NAGS: variants seen among roughly 807,000 people sequenced by gnomAD.
The protein encoded by NAGS is N-acetylglutamate synthase, mitochondrial.
In NAGS, 34 loss-of-function variants were observed where a neutral mutation model predicts 46.9. The observed-to-expected ratio is 0.72, with a 90% confidence interval of 0.55 to 0.97. The LOEUF is 0.97. Ranked by LOEUF, NAGS falls within the 50% of genes least tolerant of loss-of-function variation. The pLI is 0.00. For synonymous variants in NAGS, 334 were observed against 346.3 expected, an observed-to-expected ratio of 0.96 and a Z score of 0.39; for missense variants, 665 against 747.0, an observed-to-expected ratio of 0.89 and a Z score of 1.28.
In NAGS at chr17:44,006,796, T is replaced by G; in HGVS notation, c.1096+87T>G. The G allele has an allele frequency of 7.2e-7, 1 of 1,391,270 alleles. No homozygotes were observed. The highest frequency in any genetic ancestry group is 9.7e-7 in the Non-Finnish European group (1 of 1,032,164). 86.2% of individuals were successfully genotyped at this position (1,391,270 alleles called of 1,614,324 possible). ...GTCTGCGGTCAGGAGGAGCGGCTTC[T>G]CCTCCTGTCCAGGAGCCGTAGGGGG... is the stretch of plus-strand genomic sequence containing the variant. On this transcript the variant is annotated intron_variant, in intron 4 of 6. Coordinates refer to ENST00000293404, the MANE Select transcript of NAGS (RefSeq NM_153006.3). The surrounding 1 kb of genome is among the most constrained non-coding windows in gnomAD (Gnocchi z 4.8).
rs2049100363 is a variant in NAGS, at chr17:44,006,881, A to G, written c.1096+172A>G. 3.3e-6 allele frequency: 2 copies of G among 605,018 alleles called. No homozygotes were observed. Among genetic ancestry groups the G allele is most frequent in the Non-Finnish European group, 2.8e-6 (1 of 362,608 alleles). The allele number at this position is 605,018 out of a possible 1,614,324, so 37.5% of individuals were successfully genotyped here. On this transcript the variant is annotated intron_variant, in intron 4 of 6. Transcript: ENST00000293404. This position sits in a 1 kb window ranked among gnomAD's most constrained non-coding sequence, Gnocchi z 4.8. ...TGCCGAAACCCGGGGGAGGTGAGAGAGGAGGAGACCCAGTGTACTGGAAGG... is the reference window on the plus strand; with the variant it reads ...TGCCGAAACCCGGGGGAGGTGAGAGGGGAGGAGACCCAGTGTACTGGAAGG...
At position 44,008,780 on chromosome 17, in the gene NAGS, G is replaced by A. The variant is rs1387827049; in HGVS notation, c.*179G>A. The A allele has an allele frequency of 8.9e-6, 7 of 783,746 alleles. No homozygotes were observed. The Admixed American group carries it at 1.5e-4, about 17-fold the overall frequency. The allele number at this position is 783,746 out of a possible 1,614,324, so 48.5% of individuals were successfully genotyped here. On this transcript the variant is annotated 3_prime_UTR_variant, in exon 7 of 7. Coordinates refer to ENST00000293404, the MANE Select transcript of NAGS (RefSeq NM_153006.3). ...GAGGCGCTGAAGTGGGACAAGCACAGGAAAGAAGGGGACCAGTCTAGGACC... is the reference window on the plus strand; with the variant it reads ...GAGGCGCTGAAGTGGGACAAGCACAAGAAAGAAGGGGACCAGTCTAGGACC...
chr17:44,006,642 G>A lies in NAGS; in HGVS notation c.1029G>A (p.Leu343=), dbSNP rs1244301334. 6.2e-7 allele frequency: 1 copy of A among 1,609,148 alleles called. No homozygotes were observed. The highest frequency in any genetic ancestry group is 8.5e-7 in the Non-Finnish European group (1 of 1,178,360). The change falls in exon 4 of 7, where the codon CTG becomes CTA. Residue 343 remains leucine (L), a synonymous_variant. Transcript: ENST00000293404. This position sits in a 1 kb window ranked among gnomAD's most constrained non-coding sequence, Gnocchi z 4.8. ...MRLIVDVLSR[L]PHHSSAVITA... Reference sequence around the variant, plus strand: ...TCATCGTGGACGTGCTCAGCCGCCTGCCCCACCACTCCTCGGCCGTCATCA... The same window carrying A: ...TCATCGTGGACGTGCTCAGCCGCCTACCCCACCACTCCTCGGCCGTCATCA...
At chr17:44,008,347 C>T (rs1597867002) in intron 6 of NAGS, 101 bp from the exon 7 acceptor site, 17 of 1,397,636 alleles carry the variant, frequency 1.2e-5, no homozygotes, top group East Asian at 2.3e-5. Context: ...GCCCAGCATG[C>T]AGTAGGTCCT....
rs772495136 is a variant in NAGS at position 44,007,636 on chromosome 17, C to T, written c.1314C>T (p.Gly438=). 6.2e-7 allele frequency: 1 copy of T among 1,603,568 alleles called. No homozygotes were observed. The highest frequency in any genetic ancestry group is 1.3e-5 in the African/African-American group (1 of 74,674). The part of the protein sequence containing the change: ...AILTMEPVLG[G]TPYLDKFVVS... Reference sequence around the variant, plus strand: ...TGACCATGGAGCCCGTCCTGGGGGGCACCCCGTACCTGGACAAATTTGTGG... The same window carrying T: ...TGACCATGGAGCCCGTCCTGGGGGGTACCCCGTACCTGGACAAATTTGTGG... Residue 438 remains glycine (G), a synonymous_variant, in exon 6 of 7, where the codon GGC becomes GGT. Transcript: ENST00000293404. This position sits in a 1 kb window ranked among gnomAD's most constrained non-coding sequence, Gnocchi z 5.1.
rs2049103896 is a variant in NAGS, at chr17:44,007,084, TAACGGA to T, written c.1097-237_1097-232del. 3.4e-6 allele frequency: 2 copies of T among 592,868 alleles called. 1 individual carries two copies. Among genetic ancestry groups the T allele is most frequent in the South Asian group, 4.1e-5 (2 of 48,634 alleles). The allele number at this position is 592,868 out of a possible 1,614,324, so 36.7% of individuals were successfully genotyped here. A position where few individuals can be genotyped will look rare whatever the true frequency, so the allele number is the denominator to read the frequency against. The stretch of plus-strand genomic sequence containing the variant: ...CAGACTTCAAGGAGCGAGGCAAGAC[TAACGGA>T]AGTGGGTGGGGCTCCAGGCGACAGG... On this transcript the variant is annotated intron_variant, in intron 4 of 6. Coordinates refer to ENST00000293404, the MANE Select transcript of NAGS (RefSeq NM_153006.3). The surrounding 1 kb of genome is among the most constrained non-coding windows in gnomAD (Gnocchi z 5.1).
At position 44,005,553 on chromosome 17, in the gene NAGS, C is replaced by G. The variant is rs1276847479; in HGVS notation, c.427-84C>G. ...CTGACAGCTTCTGGAAGGGTAGGGT[C>G]ACCGAGACGGCCCTGCAGGCCAGGC... On this transcript the variant is annotated intron_variant, in intron 1 of 6. Transcript: ENST00000293404. This position sits in a 1 kb window ranked among gnomAD's most constrained non-coding sequence, Gnocchi z 7.2. 69 of 1,539,980 alleles carry G rather than the reference C, an allele frequency of 4.5e-5. No individual in the cohort carries two copies. Among genetic ancestry groups the G allele is most frequent in the Non-Finnish European group, 5.7e-5 (65 of 1,137,704 alleles).
intron 6 of NAGS, 97 bp from the exon 7 acceptor site, chr17:44,008,351 A>AGACC: frequency 7.0e-7 from 1 of 1,427,458 alleles, no homozygotes; most frequent in Non-Finnish European, 9.9e-7. Context: ...AGCATGCAGT[A>AGACC]GGTCCTCAAT....
At position 44,006,243 on chromosome 17, in the gene NAGS, G is replaced by T; in HGVS notation, c.915+6G>T. On this transcript the variant is annotated splice_donor_region_variant and intron_variant, in intron 3 of 6. Coordinates refer to ENST00000293404, the MANE Select transcript of NAGS (RefSeq NM_153006.3). This position sits in a 1 kb window ranked among gnomAD's most constrained non-coding sequence, Gnocchi z 4.8. ...TGCGCGACAGCAGTCATAAGGTGCG[G>T]CCCTTTCTTTCACCTTCCCCCACGC... 6.2e-7 allele frequency: 1 copy of T among 1,612,866 alleles called. No individual in the cohort carries two copies. Among genetic ancestry groups the T allele is most frequent in the African/African-American group, 1.3e-5 (1 of 75,040 alleles).
rs761534099 is a variant in NAGS, at chr17:44,006,745, G to A, written c.1096+36G>A. The A allele has an allele frequency of 8.9e-6, 14 of 1,567,476 alleles. No individual in the cohort carries two copies. Among genetic ancestry groups the A allele is most frequent in the Non-Finnish European group, 1.2e-5 (14 of 1,154,038 alleles). The stretch of plus-strand genomic sequence containing the variant: ...TGGGCGGGCCGGGGACTGGGTCCCG[G>A]GAGTGAGTACTGGCCGGGGCTGGGT... On this transcript the variant is annotated intron_variant, in intron 4 of 6. Coordinates refer to ENST00000293404, the MANE Select transcript of NAGS (RefSeq NM_153006.3). This position sits in a 1 kb window ranked among gnomAD's most constrained non-coding sequence, Gnocchi z 4.8.
In NAGS at chr17:44,007,254, AC is replaced by A; in HGVS notation, c.1097-67del. 1 of 1,497,558 alleles carries A rather than the reference AC, an allele frequency of 6.7e-7. No individual in the cohort carries two copies. Among genetic ancestry groups the A allele is most frequent in the Non-Finnish European group, 9.2e-7 (1 of 1,091,840 alleles). 92.8% of individuals were successfully genotyped at this position (1,497,558 alleles called of 1,614,324 possible). A position where few individuals can be genotyped will look rare whatever the true frequency, so the allele number is the denominator to read the frequency against. On this transcript the variant is annotated intron_variant, in intron 4 of 6. Transcript: ENST00000293404. The surrounding 1 kb of genome is among the most constrained non-coding windows in gnomAD (Gnocchi z 5.1). Reference sequence around the variant, plus strand: ...AAATTGTCCCACCAGCGCCTGTCCTACCTGCAGTCCCCACCAGGCTGCGCAA... The same window carrying A: ...AAATTGTCCCACCAGCGCCTGTCCTACTGCAGTCCCCACCAGGCTGCGCAA...
Position 44,006,156 on chromosome 17 carries a change from C to T in NAGS, c.834C>T (p.Thr278=), listed in dbSNP as rs1355724687. ...TGCTTCTCGACTCCCTGGAGGTGACCGCGTCGCTGGCCAAGGCGCTGCGGC... is the reference window on the plus strand; with the variant it reads ...TGCTTCTCGACTCCCTGGAGGTGACTGCGTCGCTGGCCAAGGCGCTGCGGC... ...RSVLLDSLEV[T]ASLAKALRPT... is the part of the protein sequence containing the mutation. The change falls in exon 3 of 7, where the codon ACC becomes ACT. Residue 278 remains threonine (T), a synonymous_variant. Transcript: ENST00000293404. The surrounding 1 kb of genome is among the most constrained non-coding windows in gnomAD (Gnocchi z 4.8). The T allele has an allele frequency of 8.1e-6, 13 of 1,613,202 alleles. No individual in the cohort carries two copies. The highest frequency in any genetic ancestry group is 1.0e-5 in the Non-Finnish European group (12 of 1,179,998).
Position 44,007,575 on chromosome 17 carries a change from T to TC in NAGS, c.1269-15dup, listed in dbSNP as rs1475923003. On this transcript the variant is annotated splice_polypyrimidine_tract_variant and intron_variant, in intron 5 of 6. Transcript: ENST00000293404. The surrounding 1 kb of genome is among the most constrained non-coding windows in gnomAD (Gnocchi z 5.1). ...CCAAGGAGAGGTCCCAGCCTGCCGC[T>TC]CTCCCGCTGCGCCAGGTACAACGCC... 6.2e-7 allele frequency: 1 copy of TC among 1,611,338 alleles called. No individual in the cohort carries two copies. The highest frequency in any genetic ancestry group is 1.3e-5 in the African/African-American group (1 of 74,832).
chr17:44,004,662 T>A lies in NAGS; in HGVS notation c.-2T>A. ...CTTGGGGGGCAAGAGTTGGTTGTCG[T>A]CATGGCGACGGCGCTGATGGCTGTG... On this transcript the variant is annotated 5_prime_UTR_variant, in exon 1 of 7. Coordinates refer to ENST00000293404, the MANE Select transcript of NAGS (RefSeq NM_153006.3). 1 of 1,522,422 alleles carries A rather than the reference T, an allele frequency of 6.6e-7. No homozygotes were observed. The highest frequency in any genetic ancestry group is 8.8e-7 in the Non-Finnish European group (1 of 1,132,260). 94.3% of individuals were successfully genotyped at this position (1,522,422 alleles called of 1,614,324 possible). A position where few individuals can be genotyped will look rare whatever the true frequency, so the allele number is the denominator to read the frequency against.
rs9912039 is a variant in NAGS at position 44,006,879 on chromosome 17, A to T, written c.1096+170A>T. ...GCTGCCGAAACCCGGGGGAGGTGAG[A>T]GAGGAGGAGACCCAGTGTACTGGAA... On this transcript the variant is annotated intron_variant, in intron 4 of 6. Transcript: ENST00000293404. The surrounding 1 kb of genome is among the most constrained non-coding windows in gnomAD (Gnocchi z 4.8). The T allele has an allele frequency of 1.0e-3, 651 of 621,818 alleles. 1 individual carries two copies. Among genetic ancestry groups the T allele is most frequent in the African/African-American group, 7.5e-3 (397 of 52,598 alleles). The allele number at this position is 621,818 out of a possible 1,614,324, so 38.5% of individuals were successfully genotyped here.
chr17:44,007,374 T>C lies in NAGS; in HGVS notation c.1148T>C (p.Leu383Pro). Residue 383 changes from leucine (L) to proline (P), a missense_variant, in exon 5 of 7, where the codon CTG becomes CCG. Coordinates refer to ENST00000293404, the MANE Select transcript of NAGS (RefSeq NM_153006.3). The surrounding 1 kb of genome is among the most constrained non-coding windows in gnomAD (Gnocchi z 5.1). ...GAGCGAATGCTACGGGTGCGCAGCC[T>C]GGACAAGCTGGACCAGGGCCGTCTA... ...NAERMLRVRS[L>P]DKLDQGRLVD... 1 of 1,613,854 alleles carries C rather than the reference T, an allele frequency of 6.2e-7. No individual in the cohort carries two copies. The highest frequency in any genetic ancestry group is 8.5e-7 in the Non-Finnish European group (1 of 1,179,954).
In NAGS at chr17:44,005,055, A is replaced by G; in HGVS notation, c.392A>G (p.His131Arg). 4.4e-6 allele frequency: 7 copies of G among 1,573,594 alleles called. No individual in the cohort carries two copies. Among genetic ancestry groups the G allele is most frequent in the Non-Finnish European group, 6.0e-6 (7 of 1,164,118 alleles). ...TGGCTCACGCAGTTCCAGACCTGCC[A>G]TCACTCCGCGGACAAGCCCTTCGCC... is the stretch of plus-strand genomic sequence containing the variant. ...RHWLTQFQTC[H>R]HSADKPFAVI... The change falls in exon 1 of 7, where the codon CAT becomes CGT. Residue 131 changes from histidine (H) to arginine (R), a missense_variant. Physicochemically the swap from His to Arg is conservative, Grantham distance 29. Transcript: ENST00000293404. This position sits in a 1 kb window ranked among gnomAD's most constrained non-coding sequence, Gnocchi z 7.2.
At position 44,004,933 on chromosome 17, in the gene NAGS, C is replaced by T. The variant is rs2143979493; in HGVS notation, c.270C>T (p.His90=). The stretch of plus-strand genomic sequence containing the variant: ...CGAGTCCCAGGCCCCCGGTGCCCCA[C>T]GAGTCCCCAGAGCCTCCTTCGGGCC... ...WVPSPRPPVP[H]ESPEPPSGRS... Residue 90 remains histidine, a synonymous_variant, in exon 1 of 7, where the codon CAC becomes CAT. Coordinates refer to ENST00000293404, the MANE Select transcript of NAGS (RefSeq NM_153006.3). 6.5e-7 allele frequency: 1 copy of T among 1,536,062 alleles called. No homozygotes were observed. The highest frequency in any genetic ancestry group is 8.7e-7 in the Non-Finnish European group (1 of 1,146,854).
chr17:44,008,821 C>A lies in NAGS; in HGVS notation c.*220C>A, dbSNP rs2049127196. 1 of 627,642 alleles carries A rather than the reference C, an allele frequency of 1.6e-6. No individual in the cohort carries two copies. Among genetic ancestry groups the A allele is most frequent in the Admixed American group, 2.8e-5 (1 of 35,790 alleles). 38.9% of individuals were successfully genotyped at this position (627,642 alleles called of 1,614,324 possible). On this transcript the variant is annotated 3_prime_UTR_variant, in exon 7 of 7. Transcript: ENST00000293404. ...GTCTAGGACCCCAACTCGACTCACT[C>A]TAAAGCTACAACCAAATGGCCTTCG...
Sources: allele counts gnomAD v4.1 joint callset, GRCh38; gene constraint gnomAD v4.1.1; non-coding constraint Gnocchi (gnomAD v3.1); transcripts MANE v1.5; gene names NCBI Gene and HGNC (gene_info 2026-07-23, HGNC 2026-07-21).